Variants in AK7 observed in about 807,000 individuals in gnomAD.
AK7 encodes ATP-AMP transphosphorylase 7.
In AK7, 78 loss-of-function variants were observed where a neutral mutation model predicts 96.6. The ratio of observed to expected loss-of-function variants is 0.81; its 90% CI spans 0.67 to 0.97. The LOEUF (loss-of-function observed/expected upper bound fraction) is 0.97, where lower values mean the gene tolerates loss of function less well. AK7 is among the 50% of genes least tolerant of loss of function. AK7 has a pLI of 0.00. For missense variants in AK7, 855 were observed against 887.9 expected (o/e 0.96, Z 0.47); for synonymous variants, 302 against 317.2 (o/e 0.95, Z 0.51).
chr14:96,462,051 C>A (rs1235078561), intron 12 of AK7, among the ~76,000 whole-genome samples: 1 of 152,182 alleles, frequency 6.6e-6, no homozygotes, highest in Non-Finnish European at 1.5e-5. Context: ...GCTGAGAACA[C>A]TCACTGAGGC....
chr14:96,409,289 T>C (rs558542982), intron 4 of AK7, among the ~76,000 whole-genome samples: 218 of 152,300 alleles, frequency 1.4e-3, no homozygotes, highest in African/African-American at 5.1e-3. Flanking sequence ...AAAAGAAATA[T>C]AGGCTGGGTG....
intron 12 of AK7, among the ~76,000 whole-genome samples, chr14:96,459,933 C>A (rs1894162787): frequency 6.6e-6 from 1 of 152,192 alleles, no homozygotes; most frequent in Non-Finnish European, 1.5e-5. Context: ...ATACGTAATA[C>A]AGGAAGACGT....
intron 10 of AK7, among the ~76,000 whole-genome samples, chr14:96,451,915 C>T (rs1453085541): frequency 2.6e-5 from 4 of 152,030 alleles, no homozygotes; most frequent in East Asian, 1.9e-4. Context: ...AGAGTGATGT[C>T]GCAGTGTTGT....
chr14:96,464,011 CCAGGAG>C (rs1894417525), intron 12 of AK7, among the ~76,000 whole-genome samples: 2 of 151,982 alleles, frequency 1.3e-5, no homozygotes, highest in African/African-American at 4.8e-5. Flanking sequence ...ATCCCAGATC[CCAGGAG>C]CAGGTTCTTA....
At chr14:96,464,918 G>A (rs1894472894) in intron 12 of AK7, among the ~76,000 whole-genome samples, 1 of 152,124 alleles carries the variant, frequency 6.6e-6, no homozygotes, top group Non-Finnish European at 1.5e-5. Flanking sequence ...TCAAGATGGA[G>A]TCACTCCGGT....
At chr14:96,467,150 C>T (rs753827995) in intron 12 of AK7, among the ~76,000 whole-genome samples, 12 of 151,706 alleles carry the variant, frequency 7.9e-5, no homozygotes, top group Non-Finnish European at 1.5e-4. Context: ...TATGTATAAT[C>T]AAGTAAAATA....
At chr14:96,446,431 C>T (rs1293286877) in intron 7 of AK7, 86 bp from the exon 8 acceptor site, 15 of 1,143,920 alleles carry the variant, frequency 1.3e-5, no homozygotes, top group East Asian at 2.3e-5. Context: ...CACGCCCAGC[C>T]ATGGGGGTGG....
chr14:96,467,591 C>T (rs1253205990), intron 12 of AK7, among the ~76,000 whole-genome samples: 2 of 152,144 alleles, frequency 1.3e-5, no homozygotes, highest in Admixed American at 6.5e-5. Flanking sequence ...CCACCCGCCT[C>T]GGCCTCCCAA....
At position 96,450,021 on chromosome 14, in the gene AK7, G is replaced by GCCATC. The variant is rs1473178322; in HGVS notation, c.948+143_948+147dup. ...GGAGTCAGAAGGCCTGGGTTCCAAT[G>GCCATC]CCATCTTCATCTCCTACCACACCAC... is the stretch of plus-strand genomic sequence containing the variant. On this transcript the variant is annotated intron_variant, in intron 9 of 17. Coordinates refer to ENST00000267584, the MANE Select transcript of AK7 (RefSeq NM_152327.5). 1.7e-5 allele frequency: 11 copies of GCCATC among 637,710 alleles called. No homozygotes were observed. The Admixed American group carries it at 3.2e-4, about 19-fold the overall frequency. The allele number at this position is 637,710 out of a possible 1,614,324, so 39.5% of individuals were successfully genotyped here.
rs1390339222 is a variant in AK7, at chr14:96,449,819, T to C, written c.888T>C (p.Thr296=). The stretch of plus-strand genomic sequence containing the variant: ...TCTAACAGTGTATCAGTAAAAATAC[T>C]GGCCCTGGGAAAATCCAGAAAATAC... The part of the protein sequence containing the change: ...EDIVKCISKN[T]GPGKIQKIPR... Residue 296 remains threonine, a synonymous_variant, in exon 9 of 18, where the codon ACT becomes ACC. Transcript: ENST00000267584. 4 of 1,610,660 alleles carry C rather than the reference T, an allele frequency of 2.5e-6. No homozygotes were observed. The highest frequency in any genetic ancestry group is 3.4e-6 in the Non-Finnish European group (4 of 1,178,152).
chr14:96,414,813 C>A (rs1341001459), intron 4 of AK7, among the ~76,000 whole-genome samples: 3 of 137,226 alleles, frequency 2.2e-5, no homozygotes, highest in African/African-American at 8.1e-5. Flanking sequence ...AGTGGTGCAA[C>A]CTGGGCTCAG....
At chr14:96,455,305 T>C (rs1178047036) in intron 10 of AK7, among the ~76,000 whole-genome samples, 1 of 152,018 alleles carries the variant, frequency 6.6e-6, no homozygotes, top group Admixed American at 6.6e-5. Flanking sequence ...AACCACACAG[T>C]GAGATCTCAT....
At chr14:96,437,708 A>C in intron 5 of AK7, 127 bp from the exon 6 acceptor site, 1 of 655,232 alleles carries the variant, frequency 1.5e-6, no homozygotes, top group South Asian at 2.0e-5. Flanking sequence ...TATCCCGAAC[A>C]ATACTCAGTA....
At chr14:96,419,789 CTT>C (rs5810772) in intron 4 of AK7, among the ~76,000 whole-genome samples, 2 of 134,102 alleles carry the variant, frequency 1.5e-5, no homozygotes, top group Non-Finnish European at 1.5e-5. Flanking sequence ...TCTTTCTTTT[CTT>C]TTTTTTTTTT....
chr14:96,453,892 G>A (rs1337032323), intron 10 of AK7, among the ~76,000 whole-genome samples: 1 of 152,110 alleles, frequency 6.6e-6, no homozygotes, highest in East Asian at 1.9e-4. Flanking sequence ...AGGCCTTGGT[G>A]AATGCACTGC....
In AK7 at chr14:96,392,258, A is replaced by G; in HGVS notation, c.104A>G (p.Lys35Arg). 1.2e-6 allele frequency: 2 copies of G among 1,611,678 alleles called. No individual in the cohort carries two copies. The highest frequency in any genetic ancestry group is 1.7e-6 in the Non-Finnish European group (2 of 1,177,970). ...TCCTACAGCAGCGGAAACATCGGGAAGGTGAGCGGCGGCGGCGGCCCAGAG... is the reference window on the plus strand; with the variant it reads ...TCCTACAGCAGCGGAAACATCGGGAGGGTGAGCGGCGGCGGCGGCCCAGAG... The part of the protein sequence containing the change: ...LDSYSSGNIG[K>R]FLSNCVVGAS... The change falls in exon 1 of 18, where the codon AAG (lysine) becomes AGG (arginine). Residue 35 changes from lysine (K) to arginine (R), a missense_variant and splice_region_variant. Transcript: ENST00000267584.
chr14:96,473,625 A>G (rs559505801), intron 14 of AK7, among the ~76,000 whole-genome samples: 2 of 152,278 alleles, frequency 1.3e-5, no homozygotes, highest in Admixed American at 6.5e-5. Flanking sequence ...TCTCAAGCAT[A>G]AACTTGCAAA....
intron 11 of AK7, 190 bp downstream of exon 11, chr14:96,456,665 G>T: frequency 1.8e-6 from 1 of 542,818 alleles, no homozygotes; most frequent in Non-Finnish European, 3.1e-6. Context: ...TCAGGCCTGA[G>T]AAGAGTGTTG....
chr14:96,398,384 G>C, intron 2 of AK7, 121 bp downstream of exon 2: 2 of 1,043,620 alleles, frequency 1.9e-6, no homozygotes, highest in Admixed American at 2.3e-5. Flanking sequence ...ACATGGCCAG[G>C]TTGAGGGAAT....
Sources: allele counts gnomAD v4.1 joint callset (sites outside exome capture counted in the v4.1 genomes callset), GRCh38; gene constraint gnomAD v4.1.1; transcripts MANE v1.5; gene names NCBI Gene and HGNC (gene_info 2026-07-23, HGNC 2026-07-21).